Variants in RBFOX1 observed in about 807,000 individuals in gnomAD.
The protein encoded by RBFOX1 is RNA binding fox-1 homolog 1.
RBFOX1 carries 8 observed loss-of-function variants against 57.7 expected under a neutral mutation model. The ratio of observed to expected loss-of-function variants is 0.14; its 90% CI spans 0.08 to 0.25. The LOEUF is 0.25. Ranked by LOEUF, RBFOX1 falls within the 10% of genes least tolerant of loss-of-function variation. The pLI is 1.00. For missense variants in RBFOX1, 611 were observed against 548.5 expected (o/e 1.11, Z -1.14); for synonymous variants, 326 against 222.4 (o/e 1.47, Z -4.15).
intron 3 of RBFOX1, among the ~76,000 whole-genome samples, chr16:5,735,181 A>G (rs1378238407): frequency 3.3e-5 from 5 of 152,138 alleles, no homozygotes; most frequent in Admixed American, 1.3e-4. Flanking sequence ...ATATGATGGA[A>G]CCACCTTTTA....
intron 1 of RBFOX1, among the ~76,000 whole-genome samples, chr16:6,129,746 C>T (rs892432408): frequency 6.5e-5 from 7 of 107,342 alleles, no homozygotes; most frequent in Admixed American, 9.9e-5. Flanking sequence ...GTCATATTGA[C>T]GAAAAAAAAA....
chr16:6,116,929 G>A (rs2096502344), intron 1 of RBFOX1, among the ~76,000 whole-genome samples: 1 of 152,118 alleles, frequency 6.6e-6, no homozygotes, highest in Admixed American at 6.6e-5. Flanking sequence ...AGATGCTGGA[G>A]GCTCTACAGT....
chr16:6,651,454 A>C (rs907887435), intron 2 of RBFOX1, among the ~76,000 whole-genome samples: 4 of 152,000 alleles, frequency 2.6e-5, no homozygotes, highest in South Asian at 2.1e-4. Context: ...GTAGCCCCCA[A>C]ATTTTTCTCC....
intron 4 of RBFOX1, among the ~76,000 whole-genome samples, chr16:7,337,698 G>A (rs1373241602): frequency 6.6e-6 from 1 of 152,084 alleles, no homozygotes; most frequent in Non-Finnish European, 1.5e-5. Context: ...TTGTTTGCTT[G>A]TTTTGAGATG....
intron 3 of RBFOX1, among the ~76,000 whole-genome samples, chr16:5,693,819 A>T (rs930547842): frequency 2.6e-5 from 4 of 151,938 alleles, no homozygotes; most frequent in Admixed American, 6.6e-5. Flanking sequence ...CACTCCTCAA[A>T]CTCAGCTCAA....
chr16:6,488,396 C>T (rs1207487843), intron 2 of RBFOX1, among the ~76,000 whole-genome samples: 1 of 152,150 alleles, frequency 6.6e-6, no homozygotes, highest in Admixed American at 6.5e-5. Context: ...ACAGAAACAG[C>T]AGTAACAATA....
intron 1 of RBFOX1, among the ~76,000 whole-genome samples, chr16:5,412,034 T>C (rs1246168211): frequency 6.6e-6 from 1 of 152,194 alleles, no homozygotes; most frequent in Non-Finnish European, 1.5e-5. Context: ...GGCAGTTTCT[T>C]TGAGTACCAT....
intron 2 of RBFOX1, among the ~76,000 whole-genome samples, chr16:6,566,305 C>G (rs2097265396): frequency 6.7e-6 from 1 of 148,982 alleles, no homozygotes; most frequent in African/African-American, 2.6e-5. Context: ...TGCCTAATTG[C>G]ACCTCGATTC....
intron 4 of RBFOX1, among the ~76,000 whole-genome samples, chr16:7,465,073 G>A (rs1599086007): frequency 6.6e-6 from 1 of 152,082 alleles, no homozygotes; most frequent in African/African-American, 2.4e-5. Flanking sequence ...GCCTCCTGCT[G>A]TCTCTTACCC....
chr16:6,442,918 A>G (rs1333651890), intron 2 of RBFOX1, among the ~76,000 whole-genome samples: 2 of 152,180 alleles, frequency 1.3e-5, no homozygotes, highest in Non-Finnish European at 2.9e-5. Context: ...AAGTAACCGC[A>G]ATTACTTTTG....
chr16:7,151,383 T>C lies in RBFOX1; in HGVS notation c.27+99285T>C, dbSNP rs551673629. Among the ~76,000 whole-genome samples the C allele has an allele frequency of 1.6e-4, 25 of 152,156 alleles. 1 individual carries two copies. Among genetic ancestry groups the C allele is most frequent in the Non-Finnish European group, 2.5e-4 (17 of 68,038 alleles). On this transcript the variant is annotated intron_variant, in intron 4 of 15. Coordinates refer to ENST00000550418, the MANE Select transcript of RBFOX1 (RefSeq NM_018723.4). ...CATGAAATTAGGACTGCAAAAGATA[T>C]GTTGTCTTCAAGCAGGGCAGGGTAA...
At chr16:6,363,116 G>A (rs996659292) in intron 2 of RBFOX1, among the ~76,000 whole-genome samples, 2 of 152,150 alleles carry the variant, frequency 1.3e-5, no homozygotes, top group African/African-American at 4.8e-5. Flanking sequence ...AAGGAATCTA[G>A]AGTTGTCTCT....
At chr16:5,291,511 G>A (rs1009883062) in intron 1 of RBFOX1, among the ~76,000 whole-genome samples, 4 of 152,078 alleles carry the variant, frequency 2.6e-5, no homozygotes, top group African/African-American at 7.2e-5. Flanking sequence ...TGATCCACCC[G>A]CCTCGGCCTC....
At chr16:6,874,439 G>A (rs542777270) in intron 3 of RBFOX1, among the ~76,000 whole-genome samples, 63 of 145,006 alleles carry the variant, frequency 4.3e-4, no homozygotes, top group African/African-American at 1.5e-3. Flanking sequence ...GAATCCAGGA[G>A]ATGGAGGTTG....
chr16:6,251,423 A>G (rs1314811962), intron 1 of RBFOX1, among the ~76,000 whole-genome samples: 1 of 152,162 alleles, frequency 6.6e-6, no homozygotes, highest in Non-Finnish European at 1.5e-5. Context: ...GGGGGCAGGA[A>G]CTGAACTAAG....
At chr16:7,649,895 A>C (rs766162564) in intron 11 of RBFOX1, among the ~76,000 whole-genome samples, 37 of 152,076 alleles carry the variant, frequency 2.4e-4, no homozygotes, top group Non-Finnish European at 4.7e-4. Flanking sequence ...AAAAATTCCA[A>C]AGTGACTGAA....
At chr16:6,847,406 G>C (rs898782227) in intron 3 of RBFOX1, among the ~76,000 whole-genome samples, 5 of 152,000 alleles carry the variant, frequency 3.3e-5, no homozygotes, top group African/African-American at 1.2e-4. Context: ...GGGTCTAGGG[G>C]AAGCAGCCGT....
intron 5 of RBFOX1, among the ~76,000 whole-genome samples, chr16:7,537,307 A>AT (rs374322784): frequency 8.9e-4 from 135 of 152,336 alleles, no homozygotes; most frequent in African/African-American, 2.9e-3. Flanking sequence ...AATATACAGT[A>AT]TTCACACCTG....
chr16:6,569,103 C>T (rs1724855211), intron 2 of RBFOX1, among the ~76,000 whole-genome samples: 1 of 152,142 alleles, frequency 6.6e-6, no homozygotes, highest in African/African-American at 2.4e-5. Flanking sequence ...TGTCAGCAGC[C>T]CAGCTTTGAA....
Sources: allele counts gnomAD v4.1 joint callset (sites outside exome capture counted in the v4.1 genomes callset), GRCh38; gene constraint gnomAD v4.1.1; transcripts MANE v1.5; gene names NCBI Gene and HGNC (gene_info 2026-07-23, HGNC 2026-07-21).